CATSPERB: variants seen among roughly 807,000 people sequenced by gnomAD.
CATSPERB encodes the protein cation channel sperm-associated auxiliary subunit beta.
Under a neutral mutation model 128.3 loss-of-function variants are expected in CATSPERB, and 93 were observed. That is an observed-to-expected ratio of 0.72 (90% CI 0.61 to 0.86). The LOEUF (loss-of-function observed/expected upper bound fraction) is 0.86. Among genes scored for constraint, CATSPERB ranks in the 40% least tolerant of loss-of-function variants. The probability of loss-of-function intolerance (pLI) is 0.00; values close to 1 mark genes in which losing one functional copy is unlikely to be tolerated. For synonymous variants in CATSPERB, 381 were observed against 448.8 expected, an observed-to-expected ratio of 0.85 and a Z score of 1.91; for missense variants, 1,153 against 1,329.5, an observed-to-expected ratio of 0.87 and a Z score of 2.06.
chr14:91,604,351 G>A (rs1194056510), intron 22 of CATSPERB: 7 of 813,916 alleles, frequency 8.6e-6, no homozygotes, highest in Non-Finnish European at 1.5e-5. Flanking sequence ...GGAGAGGAAG[G>A]ATTCAGCCAG....
chr14:91,671,151 G>A (rs1895080991), intron 13 of CATSPERB, among the ~76,000 whole-genome samples: 1 of 152,058 alleles, frequency 6.6e-6, no homozygotes, highest in South Asian at 2.1e-4. Context: ...CCTCCTTGGG[G>A]CAGATCTACT....
chr14:91,583,856 T>C (rs1566692245), intron 26 of CATSPERB, among the ~76,000 whole-genome samples: 1 of 152,186 alleles, frequency 6.6e-6, no homozygotes, highest in African/African-American at 2.4e-5. Context: ...TTGTGTTTCA[T>C]TGTTTCAGGA....
In CATSPERB at chr14:91,659,830, T is replaced by G; in HGVS notation, c.1432+7A>C. The G allele has an allele frequency of 6.2e-7, 1 of 1,600,610 alleles. No homozygotes were observed. Among genetic ancestry groups the G allele is most frequent in the Non-Finnish European group, 8.5e-7 (1 of 1,177,020 alleles). On this transcript the variant is annotated splice_region_variant and intron_variant, in intron 15 of 26. Coordinates refer to ENST00000256343, the MANE Select transcript of CATSPERB (RefSeq NM_024764.4). ...AATGCTTACACCAGTGAAAGCAAAT[T>G]TCTTACCTGCCTTTGTCGAGTAAAC...
At chr14:91,726,143 C>T (rs1896116152) in intron 2 of CATSPERB, among the ~76,000 whole-genome samples, 1 of 152,192 alleles carries the variant, frequency 6.6e-6, no homozygotes, top group Non-Finnish European at 1.5e-5. Flanking sequence ...CCTTCAAGTC[C>T]ATGTGCAAAC....
At chr14:91,589,949 A>G (rs182718692) in intron 23 of CATSPERB, among the ~76,000 whole-genome samples, 247 of 152,276 alleles carry the variant, frequency 1.6e-3, no homozygotes, top group African/African-American at 5.7e-3. Flanking sequence ...TGGCTAAATC[A>G]TATCCCAGGA....
At chr14:91,712,928 C>CA (rs1895866573) in intron 5 of CATSPERB, among the ~76,000 whole-genome samples, 1 of 152,220 alleles carries the variant, frequency 6.6e-6, no homozygotes, top group South Asian at 2.1e-4. Flanking sequence ...GCACTCCACA[C>CA]AGACAGTGGC....
rs752387150 is a variant in CATSPERB, at chr14:91,674,185, G to T, written c.969C>A (p.Thr323=). 19 of 1,534,928 alleles carry T rather than the reference G, an allele frequency of 1.2e-5. No individual in the cohort carries two copies. In the South Asian group the frequency reaches 2.2e-4, roughly 18 times the overall value. Residue 323 remains threonine, a synonymous_variant, in exon 12 of 27, where the codon ACC becomes ACA. Transcript: ENST00000256343. ...ATATTCAATATCATACCTCACTTAG[G>T]GTTCTGTTTCTCTCAAAGGTAACTG... ...YVTVTFERNR[T]LSESSSCFYS...
intron 22 of CATSPERB, among the ~76,000 whole-genome samples, chr14:91,592,718 A>G (rs1337133844): frequency 6.6e-6 from 1 of 152,176 alleles, no homozygotes; most frequent in Non-Finnish European, 1.5e-5. Context: ...TATCCTGACT[A>G]TGCAATAGAA....
chr14:91,627,786 A>G (rs1894195815), intron 17 of CATSPERB, among the ~76,000 whole-genome samples: 1 of 151,924 alleles, frequency 6.6e-6, no homozygotes, highest in African/African-American at 2.4e-5. Context: ...TGGATGCAAC[A>G]TAGTGAGATC....
chr14:91,690,055 C>T (rs896073176), intron 10 of CATSPERB, among the ~76,000 whole-genome samples: 9 of 152,260 alleles, frequency 5.9e-5, no homozygotes, highest in African/African-American at 1.7e-4. Context: ...TGCAGTGGCA[C>T]GATCTCGATT....
chr14:91,725,750 C>G (rs1471325850), intron 2 of CATSPERB, among the ~76,000 whole-genome samples: 2 of 152,150 alleles, frequency 1.3e-5, no homozygotes, highest in Non-Finnish European at 2.9e-5. Context: ...ATGACACAGA[C>G]AGAAGACAGA....
intron 17 of CATSPERB, among the ~76,000 whole-genome samples, 184 bp from the exon 18 acceptor site, chr14:91,625,191 C>T (rs1272402007): frequency 6.6e-6 from 1 of 152,150 alleles, no homozygotes; most frequent in African/African-American, 2.4e-5. Flanking sequence ...CAATTTTTAA[C>T]CTCTAAAATT....
intron 6 of CATSPERB, among the ~76,000 whole-genome samples, chr14:91,705,909 C>T (rs776562715): frequency 8.6e-5 from 13 of 151,596 alleles, no homozygotes; most frequent in Non-Finnish European, 1.8e-4. Context: ...GAGCTAAAGT[C>T]GAATTTTCAT....
intron 20 of CATSPERB, among the ~76,000 whole-genome samples, 193 bp from the exon 21 acceptor site, chr14:91,610,870 G>T (rs1365939906): frequency 1.3e-5 from 2 of 151,328 alleles, no homozygotes; most frequent in Non-Finnish European, 3.0e-5. Flanking sequence ...AGTGTCACTG[G>T]TGTCATCTTA....
chr14:91,635,508 C>T (rs1894356708), intron 17 of CATSPERB: 1 of 152,024 alleles, frequency 6.6e-6, no homozygotes, highest in Non-Finnish European at 1.5e-5. Context: ...AGATGTGAGC[C>T]ACCACACCTG....
At chr14:91,693,710 T>A (rs558525248) in intron 7 of CATSPERB, among the ~76,000 whole-genome samples, 50 of 152,330 alleles carry the variant, frequency 3.3e-4, no homozygotes, top group Admixed American at 1.2e-3. Flanking sequence ...AAATCAACCC[T>A]CTTAAGGTAT....
In CATSPERB at chr14:91,619,036, C is replaced by T. The variant is rs562497569; in HGVS notation, c.2261-1300G>A. 2.6e-5 allele frequency among the ~76,000 whole-genome samples: 4 copies of T among 152,296 alleles called. No homozygotes were observed. The South Asian group carries it at 8.3e-4, about 32-fold the overall frequency. On this transcript the variant is annotated intron_variant, in intron 19 of 26. Transcript: ENST00000256343. ...TTGATTATTATTTACTTCCATCAAA[C>T]TGAACACATATAACTGATTGAGCCC...
chr14:91,599,220 A>G (rs1413617531), intron 22 of CATSPERB, among the ~76,000 whole-genome samples: 1 of 152,170 alleles, frequency 6.6e-6, no homozygotes, highest in Non-Finnish European at 1.5e-5. Context: ...GTGGTTACCA[A>G]AATGTGAACC....
intron 22 of CATSPERB, among the ~76,000 whole-genome samples, chr14:91,602,539 TG>T (rs1255591432): frequency 6.6e-6 from 1 of 152,082 alleles, no homozygotes; most frequent in Non-Finnish European, 1.5e-5. Flanking sequence ...ATAAGAGAGA[TG>T]GCAGAAGGGT....
Sources: gnomAD v4.1 joint callset for allele counts (sites outside exome capture counted in the v4.1 genomes callset) on GRCh38, gnomAD v4.1.1 for gene constraint, MANE v1.5 for transcripts, NCBI Gene and HGNC (gene_info 2026-07-23, HGNC 2026-07-21) for gene names.